The following ERBB4 variants were observed in gnomAD, a reference collection of about 807,000 sequenced individuals.
ERBB4 encodes erb-b2 receptor tyrosine kinase 4.
Under a neutral mutation model 158.0 loss-of-function variants are expected in ERBB4, and 42 were observed. The ratio of observed to expected loss-of-function variants is 0.27; its 90% CI spans 0.21 to 0.34. ERBB4 has a LOEUF of 0.34. ERBB4 is among the 10% of genes least tolerant of loss of function. The pLI is 1.00. For missense variants in ERBB4, 1,333 were observed against 1,624.1 expected (o/e 0.82, Z 3.08); for synonymous variants, 583 against 558.7 (o/e 1.04, Z -0.61).
intron 1 of ERBB4, among the ~76,000 whole-genome samples, chr2:212,190,820 C>T (rs1372354302): frequency 6.6e-6 from 1 of 152,050 alleles, no homozygotes; most frequent in African/African-American, 2.4e-5. Context: ...TATTTCAGAT[C>T]CGAGTATTAT....
chr2:211,506,040 C>T lies in ERBB4; in HGVS notation c.2487+55863G>A, dbSNP rs73071132. ...AACCATCTGCAGCTTATAAGAGAAC[C>T]GTCTAATGGCTAGGACACCTAACAG... On this transcript the variant is annotated intron_variant, in intron 20 of 27. Transcript: ENST00000342788. Among the ~76,000 whole-genome samples, 1,200 of 151,200 alleles carry T rather than the reference C, an allele frequency of 7.9e-3. 22 individuals carry two copies. Among genetic ancestry groups the T allele is most frequent in the African/African-American group, 0.027 (1,135 of 41,296 alleles).
At chr2:211,610,574 T>C (rs2069156626) in intron 19 of ERBB4, among the ~76,000 whole-genome samples, 1 of 152,152 alleles carries the variant, frequency 6.6e-6, no homozygotes, top group Non-Finnish European at 1.5e-5. Context: ...GTGGGGATTT[T>C]TCCTAAGTCA....
intron 3 of ERBB4, among the ~76,000 whole-genome samples, chr2:211,820,823 T>C (rs2076979499): frequency 6.6e-6 from 1 of 151,608 alleles, no homozygotes; most frequent in African/African-American, 2.4e-5. Context: ...CTCAACAAAA[T>C]GAAAGACAAA....
At chr2:211,818,104 C>T (rs936446302) in intron 3 of ERBB4, among the ~76,000 whole-genome samples, 3 of 152,080 alleles carry the variant, frequency 2.0e-5, no homozygotes, top group Admixed American at 6.6e-5. Flanking sequence ...GATCACATTC[C>T]TCATCTGAAA....
At chr2:212,320,273 C>T (rs2087501656) in intron 1 of ERBB4, among the ~76,000 whole-genome samples, 2 of 148,832 alleles carry the variant, frequency 1.3e-5, no homozygotes, top group Non-Finnish European at 3.0e-5. Context: ...TACCAAATCC[C>T]TTACCTACTT....
chr2:211,979,192 T>G (rs2081719840), intron 2 of ERBB4, among the ~76,000 whole-genome samples: 1 of 152,158 alleles, frequency 6.6e-6, no homozygotes, highest in Admixed American at 6.5e-5. Context: ...TAACATGAGT[T>G]ATGTTTATAC....
chr2:212,222,319 T>A (rs1248707069), intron 1 of ERBB4, among the ~76,000 whole-genome samples: 1 of 151,592 alleles, frequency 6.6e-6, no homozygotes, highest in Non-Finnish European at 1.5e-5. Flanking sequence ...CAATATATTC[T>A]GCTTCCTTAA....
chr2:212,187,082 A>T (rs1326210596), intron 1 of ERBB4, among the ~76,000 whole-genome samples: 2 of 152,170 alleles, frequency 1.3e-5, no homozygotes, highest in Non-Finnish European at 2.9e-5. Context: ...CTAAGGTCAA[A>T]TACAGTTGGA....
At chr2:211,803,367 C>G (rs1227602283) in intron 3 of ERBB4, among the ~76,000 whole-genome samples, 1 of 152,120 alleles carries the variant, frequency 6.6e-6, no homozygotes, top group Non-Finnish European at 1.5e-5. Context: ...AGATTATCAC[C>G]GAAGAGTCCA....
chr2:212,083,412 T>C (rs920229393), intron 2 of ERBB4, among the ~76,000 whole-genome samples: 2 of 151,966 alleles, frequency 1.3e-5, no homozygotes, highest in African/African-American at 4.8e-5. Context: ...CCAAGGTTGA[T>C]TTAGGTCTCG....
At chr2:211,847,408 C>G (rs542430460) in intron 3 of ERBB4, among the ~76,000 whole-genome samples, 1 of 152,068 alleles carries the variant, frequency 6.6e-6, no homozygotes, top group Non-Finnish European at 1.5e-5. Context: ...ATGCTGCCAA[C>G]TGAGCCCACA....
In ERBB4 at chr2:211,379,873, A is replaced by T. The variant is rs370788542; in HGVS notation, c.*3742T>A. 1 of 231,934 alleles carries T rather than the reference A, an allele frequency of 4.3e-6. No individual in the cohort carries two copies. 14.4% of individuals were successfully genotyped at this position (231,934 alleles called of 1,614,324 possible). ...CTTAAACAATTTTAATTTTCTTTTC[A>T]TTTTTGATACTTCAAGAAGCACATT... On this transcript the variant is annotated 3_prime_UTR_variant, in exon 28 of 28. Coordinates refer to ENST00000342788, the MANE Select transcript of ERBB4 (RefSeq NM_005235.3).
chr2:211,959,109 TCATC>T (rs2081105275), intron 2 of ERBB4, among the ~76,000 whole-genome samples: 1 of 152,054 alleles, frequency 6.6e-6, no homozygotes, highest in South Asian at 2.1e-4. Flanking sequence ...TCACCCTCAT[TCATC>T]CATCCATCCA....
rs183668615 is a variant in ERBB4 at position 212,222,095 on chromosome 2, T to C, written c.83-97192A>G. ...TATAAATTCCTATATAAAGGAACTA[T>C]ATGCTAAGTATATAAGTGGATTATT... On this transcript the variant is annotated intron_variant, in intron 1 of 27. Coordinates refer to ENST00000342788, the MANE Select transcript of ERBB4 (RefSeq NM_005235.3). Among the ~76,000 whole-genome samples the C allele has an allele frequency of 1.9e-3, 287 of 151,702 alleles. 1 individual carries two copies. The highest frequency in any genetic ancestry group is 3.4e-3 in the Middle Eastern group (1 of 294).
At chr2:212,180,594 T>C (rs558822721) in intron 1 of ERBB4, among the ~76,000 whole-genome samples, 10 of 151,814 alleles carry the variant, frequency 6.6e-5, no homozygotes, top group African/African-American at 2.4e-4. Flanking sequence ...AAACAAAGCA[T>C]TATGCTGAAT....
intron 1 of ERBB4, among the ~76,000 whole-genome samples, chr2:212,445,134 T>C (rs1423815874): frequency 2.0e-5 from 3 of 152,044 alleles, no homozygotes; most frequent in African/African-American, 4.8e-5. Flanking sequence ...GTTGGATTGA[T>C]AGAACAGTGG....
chr2:212,178,550 C>T (rs2081752505), intron 1 of ERBB4, among the ~76,000 whole-genome samples: 1 of 151,714 alleles, frequency 6.6e-6, no homozygotes, highest in African/African-American at 2.4e-5. Context: ...CTCTTAAATA[C>T]ATATGTATTA....
chr2:212,473,259 C>T (rs1261826888), intron 1 of ERBB4, among the ~76,000 whole-genome samples: 1 of 151,878 alleles, frequency 6.6e-6, no homozygotes, highest in Non-Finnish European at 1.5e-5. Flanking sequence ...ATTATTCTTA[C>T]TGAATATATT....
intron 3 of ERBB4, among the ~76,000 whole-genome samples, chr2:211,883,517 C>G (rs2078717640): frequency 6.6e-6 from 1 of 152,048 alleles, no homozygotes; most frequent in Admixed American, 6.6e-5. Context: ...GTGGCTCACA[C>G]CTGTAATCCC....
Sources: gnomAD v4.1 joint callset for allele counts (sites outside exome capture counted in the v4.1 genomes callset) on GRCh38, gnomAD v4.1.1 for gene constraint, MANE v1.5 for transcripts, NCBI Gene and HGNC (gene_info 2026-07-23, HGNC 2026-07-21) for gene names.